RCOR3: variants seen among roughly 807,000 people sequenced by gnomAD.
RCOR3 encodes REST corepressor 3.
A neutral mutation model predicts 64.1 loss-of-function variants in RCOR3; 13 were observed. The ratio of observed to expected loss-of-function variants is 0.20; its 90% CI spans 0.13 to 0.32. RCOR3 has a LOEUF of 0.32. Among genes scored for constraint, RCOR3 ranks in the 10% least tolerant of loss-of-function variants. The pLI is 1.00. For missense variants in RCOR3, 489 were observed against 701.2 expected (o/e 0.70, Z 3.42); for synonymous variants, 215 against 239.0 (o/e 0.90, Z 0.93).
At position 211,288,463 on chromosome 1, in the gene RCOR3, C is replaced by A. The variant is rs1011694011; in HGVS notation, c.721-715C>A. On this transcript the variant is annotated intron_variant, in intron 7 of 11. Transcript: ENST00000419091. ...TATTTTTATTATATTTATTTTATTACATTTTATTTATAAATAAATTTATAA... is the reference window on the plus strand; with the variant it reads ...TATTTTTATTATATTTATTTTATTAAATTTTATTTATAAATAAATTTATAA... Among the ~76,000 whole-genome samples, 34 of 142,312 alleles carry A rather than the reference C, an allele frequency of 2.4e-4. No individual in the cohort carries two copies. In the East Asian group the frequency reaches 6.4e-3, roughly 27 times the overall value. 93.4% of individuals were successfully genotyped at this position (142,312 alleles called of 152,430 possible).
chr1:211,299,326 AGG>A lies in RCOR3; in HGVS notation c.1017+3575_1017+3576del, dbSNP rs1700150088. On this transcript the variant is annotated intron_variant, in intron 9 of 11. Transcript: ENST00000419091. ...TCCTTGAAAGTATGTGAGAGTGTTG[AGG>A]GTGTCGCTGGCATGTCTTCTGCTTT... Among the ~76,000 whole-genome samples the A allele has an allele frequency of 3.9e-5, 6 of 152,304 alleles. No individual in the cohort carries two copies. The South Asian group carries it at 1.2e-3, about 32-fold the overall frequency.
chr1:211,271,514 C>G (rs1469398143), intron 3 of RCOR3: 1 of 635,384 alleles, frequency 1.6e-6, no homozygotes, highest in African/African-American at 1.8e-5. Context: ...GTTGATCATT[C>G]CAATTTGTGT....
chr1:211,265,399 A>G (rs6661043), intron 2 of RCOR3, among the ~76,000 whole-genome samples: 145,603 of 152,282 alleles, frequency 0.96, 69,673 homozygotes, highest in East Asian at 0.99. Context: ...GAATTTTATC[A>G]TATATAATTT....
rs755701704 is a variant in RCOR3, at chr1:211,278,105, A to AT, written c.517-4dup. 28 of 1,581,908 alleles carry AT rather than the reference A, an allele frequency of 1.8e-5. No individual in the cohort carries two copies. Among genetic ancestry groups the AT allele is most frequent in the African/African-American group, 1.6e-4 (12 of 72,880 alleles). The stretch of plus-strand genomic sequence containing the variant: ...AATTAAACTTGCTGATATTAACATG[A>AT]TTTTTTTTAAGCTTCCAGATAAGAC... On this transcript the variant is annotated splice_polypyrimidine_tract_variant and intron_variant, in intron 5 of 11. Coordinates refer to ENST00000419091, the MANE Select transcript of RCOR3 (RefSeq NM_001136223.3).
rs999557964 is a variant in RCOR3, at chr1:211,307,892, A to C, written c.1075+3752A>C. Among the ~76,000 whole-genome samples the C allele has an allele frequency of 2.0e-5, 3 of 152,024 alleles. No individual in the cohort carries two copies. In the East Asian group the frequency reaches 5.8e-4, roughly 29 times the overall value. The stretch of plus-strand genomic sequence containing the variant: ...ACCTTTTAATATAAAACAGAAAATG[A>C]CAGAACTATGTTCAGGTGGCTTATG... On this transcript the variant is annotated intron_variant, in intron 10 of 11. Coordinates refer to ENST00000419091, the MANE Select transcript of RCOR3 (RefSeq NM_001136223.3).
At chr1:211,261,296 T>C (rs1040723422) in intron 2 of RCOR3, 3 of 152,324 alleles carry the variant, frequency 2.0e-5, no homozygotes, top group African/African-American at 4.8e-5. Context: ...AAATGATATT[T>C]ACCAACCATT....
intron 10 of RCOR3, 105 bp downstream of exon 10, chr1:211,304,245 C>A: frequency 1.3e-6 from 1 of 759,270 alleles, no homozygotes; most frequent in Non-Finnish European, 2.0e-6. Flanking sequence ...CAAGAAAGGG[C>A]TCTTGTGTTT....
At chr1:211,289,069 T>G (rs1029737702) in intron 7 of RCOR3, 109 bp from the exon 8 acceptor site, 2 of 804,676 alleles carry the variant, frequency 2.5e-6, no homozygotes, top group Non-Finnish European at 2.1e-6. Flanking sequence ...TTAGAAGTGT[T>G]TTTTTATGTG....
At chr1:211,287,255 T>C (rs76610938) in intron 7 of RCOR3, among the ~76,000 whole-genome samples, 4,265 of 152,216 alleles carry the variant, frequency 0.028, 78 homozygotes, top group South Asian at 0.074. Context: ...AGCAGGAGTG[T>C]TTTTTTCCTA....
chr1:211,259,831 C>G, intron 1 of RCOR3, 105 bp downstream of exon 1: 1 of 1,157,808 alleles, frequency 8.6e-7, no homozygotes, highest in East Asian at 2.8e-5. Context: ...CCCCTCAGAG[C>G]CTGGGCGCTG....
chr1:211,264,454 A>G (rs757231254), intron 2 of RCOR3, among the ~76,000 whole-genome samples: 17 of 152,258 alleles, frequency 1.1e-4, no homozygotes, highest in Non-Finnish European at 2.5e-4. Context: ...GGCTGAGGTG[A>G]GAGGATCGCT....
At chr1:211,262,815 G>C (rs2102417697) in intron 2 of RCOR3, among the ~76,000 whole-genome samples, 1 of 112,068 alleles carries the variant, frequency 8.9e-6, no homozygotes, top group East Asian at 2.5e-4. Context: ...ATTTTGCATG[G>C]CCACTGGTTT....
At chr1:211,285,365 C>T (rs1698391895) in intron 7 of RCOR3, among the ~76,000 whole-genome samples, 1 of 152,160 alleles carries the variant, frequency 6.6e-6, no homozygotes, top group Non-Finnish European at 1.5e-5. Flanking sequence ...TCCATTTGGC[C>T]TCTCCAATTT....
At chr1:211,261,324 C>T (rs188194429) in intron 2 of RCOR3, 2 of 152,168 alleles carry the variant, frequency 1.3e-5, no homozygotes, top group Admixed American at 1.3e-4. Context: ...CAGATAGCAG[C>T]TCTTCCTCCT....
intron 3 of RCOR3, among the ~76,000 whole-genome samples, chr1:211,272,642 G>T (rs1439796407): frequency 3.1e-4 from 1 of 3,258 alleles, no homozygotes; most frequent in African/African-American, 4.5e-4. Flanking sequence ...TTTTTTTTGA[G>T]ACGGAGTCTC....
At chr1:211,266,149 CTT>C (rs1297200221) in intron 2 of RCOR3, among the ~76,000 whole-genome samples, 1 of 152,044 alleles carries the variant, frequency 6.6e-6, no homozygotes, top group Non-Finnish European at 1.5e-5. Flanking sequence ...CTGGGAAAGT[CTT>C]TGTTTACCCA....
At chr1:211,298,834 G>A (rs912236688) in intron 9 of RCOR3, among the ~76,000 whole-genome samples, 11 of 151,852 alleles carry the variant, frequency 7.2e-5, no homozygotes, top group African/African-American at 2.7e-4. Context: ...GTGAAACCCT[G>A]TCTCTACTAA....
Position 211,260,183 on chromosome 1 carries a change from G to A in RCOR3, c.223+19G>A, listed in dbSNP as rs768407793. 3 of 1,609,636 alleles carry A rather than the reference G, an allele frequency of 1.9e-6. No homozygotes were observed. Among genetic ancestry groups the A allele is most frequent in the Non-Finnish European group, 2.5e-6 (3 of 1,176,620 alleles). Reference sequence around the variant, plus strand: ...GATCCAGGTAGATATATTTGCTTAAGCAAAATCTCATATCCCCTTTCCTGG... The same window carrying A: ...GATCCAGGTAGATATATTTGCTTAAACAAAATCTCATATCCCCTTTCCTGG... On this transcript the variant is annotated intron_variant, in intron 2 of 11. Transcript: ENST00000419091.
intron 9 of RCOR3, chr1:211,301,345 G>A (rs537204325): frequency 6.6e-6 from 1 of 152,102 alleles, no homozygotes; most frequent in South Asian, 2.1e-4. Flanking sequence ...GATTTCTCAG[G>A]TTCTTAACAG....
Sources: gnomAD v4.1 joint callset for allele counts (sites outside exome capture counted in the v4.1 genomes callset) on GRCh38, gnomAD v4.1.1 for gene constraint, MANE v1.5 for transcripts, NCBI Gene and HGNC (gene_info 2026-07-23, HGNC 2026-07-21) for gene names.